SMARCD2: variants seen among roughly 807,000 people sequenced by gnomAD.
The protein encoded by SMARCD2 is SWI/SNF related BAF chromatin remodeling complex subunit D2, also known as SWI/SNF-related matrix-associated actin-dependent regulator of chromatin subfamily D member 2.
SMARCD2 carries 39 observed loss-of-function variants against 70.4 expected under a neutral mutation model. That is an observed-to-expected ratio of 0.55 (90% CI 0.43 to 0.72). The LOEUF is 0.72. Ranked by LOEUF, SMARCD2 falls within the 30% of genes least tolerant of loss-of-function variation. The pLI is 0.00. For synonymous variants in SMARCD2, 249 were observed against 279.4 expected, an observed-to-expected ratio of 0.89 and a Z score of 1.08; for missense variants, 540 against 713.4, an observed-to-expected ratio of 0.76 and a Z score of 2.77.
At chr17:63,839,616 T>A (rs1284446064) in intron 1 of SMARCD2, among the ~76,000 whole-genome samples, 1 of 148,160 alleles carries the variant, frequency 6.7e-6, no homozygotes, top group Non-Finnish European at 1.5e-5. Context: ...ACTCAGGAGT[T>A]AAAGAAAAAA....
At chr17:63,838,755 C>G in intron 1 of SMARCD2, 1 of 1,276,138 alleles carries the variant, frequency 7.8e-7, no homozygotes, top group Non-Finnish European at 9.9e-7. Flanking sequence ...CAGGGCTGGC[C>G]CCAGGGCCCA....
rs1904506161 is a variant in SMARCD2, at chr17:63,842,440, TCG to T, written c.216+17_216+18del. The T allele has an allele frequency of 3.7e-6, 5 of 1,342,694 alleles. No individual in the cohort carries two copies. The East Asian group carries it at 1.7e-4, about 45-fold the overall frequency. 83.2% of individuals were successfully genotyped at this position (1,342,694 alleles called of 1,614,324 possible). On this transcript the variant is annotated intron_variant, in intron 1 of 12. Coordinates refer to ENST00000448276, the MANE Select transcript of SMARCD2 (RefSeq NM_001098426.2). Reference sequence around the variant, plus strand: ...CGCAGCGCCTCTCGCCCCCGTCCGCTCGCGTCCTCCTTGCTCACCTGGTACTG... The same window carrying T: ...CGCAGCGCCTCTCGCCCCCGTCCGCTCGTCCTCCTTGCTCACCTGGTACTG...
In SMARCD2 at chr17:63,835,664, T is replaced by C. The variant is rs1385758300; in HGVS notation, c.568-97A>G. 2.8e-5 allele frequency: 32 copies of C among 1,126,300 alleles called. No individual in the cohort carries two copies. The South Asian group carries it at 4.7e-4, about 17-fold the overall frequency. 69.8% of individuals were successfully genotyped at this position (1,126,300 alleles called of 1,614,324 possible). ...ATATGAACCATTCAACAATCAGTAC[T>C]GAGCACCATGAGCCAGCCAGGCACC... is the stretch of plus-strand genomic sequence containing the variant. On this transcript the variant is annotated intron_variant, in intron 4 of 12. Transcript: ENST00000448276.
At position 63,832,600 on chromosome 17, in the gene SMARCD2, G is replaced by A. The variant is rs902662860; in HGVS notation, c.*338C>T. 2.6e-6 allele frequency: 1 copy of A among 380,650 alleles called. No individual in the cohort carries two copies. The highest frequency in any genetic ancestry group is 5.6e-5 in the East Asian group (1 of 17,774). The allele number at this position is 380,650 out of a possible 1,614,324, so 23.6% of individuals were successfully genotyped here. The stretch of plus-strand genomic sequence containing the variant: ...CTCCCCAGAGCCAGCTCTGACCCTC[G>A]CCCCAGGGGGAGTCTGTAAACATGC... On this transcript the variant is annotated 3_prime_UTR_variant, in exon 13 of 13. Coordinates refer to ENST00000448276, the MANE Select transcript of SMARCD2 (RefSeq NM_001098426.2).
At chr17:63,838,917 G>T (rs920077906) in intron 1 of SMARCD2, 3 of 985,290 alleles carry the variant, frequency 3.0e-6, no homozygotes, top group Admixed American at 6.1e-5. Flanking sequence ...AACACAGAGG[G>T]TCAGATTCTT....
Position 63,832,174 on chromosome 17 carries a change from G to C in SMARCD2, c.*764C>G. 1 of 605,598 alleles carries C rather than the reference G, an allele frequency of 1.7e-6. No individual in the cohort carries two copies. The allele number at this position is 605,598 out of a possible 1,614,324, so 37.5% of individuals were successfully genotyped here. ...CCACCCTCCTCACCAAGCTCCAAAG[G>C]GCAACACCAGTCCTCCCAGCCTCCC... On this transcript the variant is annotated 3_prime_UTR_variant, in exon 13 of 13. Transcript: ENST00000448276.
Position 63,834,463 on chromosome 17 carries a change from G to T in SMARCD2, c.921+11C>A, listed in dbSNP as rs2040239014. On this transcript the variant is annotated intron_variant, in intron 7 of 12. Coordinates refer to ENST00000448276, the MANE Select transcript of SMARCD2 (RefSeq NM_001098426.2). The surrounding 1 kb of genome is among the most constrained non-coding windows in gnomAD (Gnocchi z 5.6). ...CTGTGGGCCCAGAAATGACCCCAGG[G>T]TCTCTGTCACCTGATGATCCAGCAT... 1 of 1,572,910 alleles carries T rather than the reference G, an allele frequency of 6.4e-7. No individual in the cohort carries two copies. The highest frequency in any genetic ancestry group is 2.3e-5 in the East Asian group (1 of 44,324).
intron 4 of SMARCD2, 147 bp from the exon 5 acceptor site, chr17:63,835,714 T>C (rs2040256785): frequency 1.1e-5 from 7 of 664,526 alleles, no homozygotes; most frequent in Non-Finnish European, 1.7e-5. Context: ...GAATCAGAAG[T>C]AGTAAGTCCC....
In SMARCD2 at chr17:63,832,861, T is replaced by C. The variant is rs2040209491; in HGVS notation, c.*77A>G. Reference sequence around the variant, plus strand: ...CAGACACTCCTCACCCCAGCCTACGTGTCTGCGGCCCCAGCAAGGACCCAG... The same window carrying C: ...CAGACACTCCTCACCCCAGCCTACGCGTCTGCGGCCCCAGCAAGGACCCAG... On this transcript the variant is annotated 3_prime_UTR_variant, in exon 13 of 13. Coordinates refer to ENST00000448276, the MANE Select transcript of SMARCD2 (RefSeq NM_001098426.2). 2.4e-6 allele frequency: 3 copies of C among 1,269,922 alleles called. No homozygotes were observed. Among genetic ancestry groups the C allele is most frequent in the South Asian group, 2.6e-5 (2 of 78,422 alleles). 78.7% of individuals were successfully genotyped at this position (1,269,922 alleles called of 1,614,324 possible).
intron 5 of SMARCD2, 117 bp downstream of exon 5, chr17:63,835,295 A>C (rs1394297196): frequency 3.7e-5 from 41 of 1,107,970 alleles, no homozygotes; most frequent in Non-Finnish European, 5.1e-5. Flanking sequence ...GCTAATTTTT[A>C]AATTTTTTGT....
At chr17:63,839,899 C>T (rs558338459) in intron 1 of SMARCD2, among the ~76,000 whole-genome samples, 4 of 152,202 alleles carry the variant, frequency 2.6e-5, no homozygotes, top group Non-Finnish European at 4.4e-5. Flanking sequence ...GAGGCCGAGG[C>T]GGGTGGATCA....
chr17:63,835,952 C>T (rs1365186034), intron 4 of SMARCD2, among the ~76,000 whole-genome samples: 2 of 152,090 alleles, frequency 1.3e-5, no homozygotes, highest in Non-Finnish European at 2.9e-5. Context: ...TGGTCTCAAA[C>T]TCCTGACCTC....
Position 63,837,008 on chromosome 17 carries a change from C to G in SMARCD2, c.481G>C (p.Asp161His). 2 of 1,613,940 alleles carry G rather than the reference C, an allele frequency of 1.2e-6. No individual in the cohort carries two copies. The highest frequency in any genetic ancestry group is 1.7e-6 in the Non-Finnish European group (2 of 1,179,802). The part of the protein sequence containing the change: ...ELVPESQAYM[D>H]LLAFERKLDQ... ...AGCTTCCGCTCAAAAGCCAAGAGAT[C>G]CATGTACGCCTGAGACTCTGGAACA... is the stretch of plus-strand genomic sequence containing the variant. Residue 161 changes from aspartate to histidine, a missense_variant, in exon 4 of 13, where the codon GAT becomes CAT. By Grantham distance (81) the Asp-to-His change is moderately conservative. Transcript: ENST00000448276. The surrounding 1 kb of genome is among the most constrained non-coding windows in gnomAD (Gnocchi z 6.4).
chr17:63,839,405 C>G (rs538317892), intron 1 of SMARCD2, among the ~76,000 whole-genome samples: 1 of 152,178 alleles, frequency 6.6e-6, no homozygotes, highest in South Asian at 2.1e-4. Flanking sequence ...GCCTCATAGG[C>G]AGGGTCTGGA....
intron 5 of SMARCD2, 178 bp downstream of exon 5, chr17:63,835,234 T>G: frequency 6.6e-6 from 4 of 610,016 alleles, no homozygotes; most frequent in Non-Finnish European, 1.1e-5. Context: ...GCCATCCTCC[T>G]GCATCAGCCT....
intron 1 of SMARCD2, among the ~76,000 whole-genome samples, chr17:63,840,494 CTTT>C (rs1567764277): frequency 6.6e-6 from 1 of 151,802 alleles, no homozygotes; most frequent in Non-Finnish European, 1.5e-5. Context: ...TTTTTCTTTT[CTTT>C]TTCTTTTTTT....
Position 63,833,995 on chromosome 17 carries a change from A to G in SMARCD2, c.1095T>C (p.Cys365=). The stretch of plus-strand genomic sequence containing the variant: ...GAATCTCGGAGAAACGGAGTCGGCC[A>G]CAACTGAAGATCTGGAGGAAATACG... ...CNRYFRQIFS[C]GRLRFSEIPM... Residue 365 remains cysteine (C), a synonymous_variant, in exon 9 of 13, where the codon TGT becomes TGC. Transcript: ENST00000448276. This position sits in a 1 kb window ranked among gnomAD's most constrained non-coding sequence, Gnocchi z 4.3. 1 of 1,613,818 alleles carries G rather than the reference A, an allele frequency of 6.2e-7. No homozygotes were observed. The highest frequency in any genetic ancestry group is 1.6e-4 in the Middle Eastern group (1 of 6,062).
chr17:63,842,072 C>T (rs1470808357), intron 1 of SMARCD2, among the ~76,000 whole-genome samples: 2 of 152,202 alleles, frequency 1.3e-5, no homozygotes, highest in Admixed American at 6.5e-5. Context: ...GGACCAAGGC[C>T]GATGCAGGGT....
chr17:63,833,030 A>C lies in SMARCD2; in HGVS notation c.1542+39T>G. The C allele has an allele frequency of 6.3e-7, 1 of 1,585,226 alleles. No individual in the cohort carries two copies. The highest frequency in any genetic ancestry group is 1.8e-5 in the Admixed American group (1 of 55,806). On this transcript the variant is annotated intron_variant, in intron 12 of 12. Transcript: ENST00000448276. This position sits in a 1 kb window ranked among gnomAD's most constrained non-coding sequence, Gnocchi z 4.3. ...AAACCAAGTGGCTCAGGCCTTTGCT[A>C]CTCACGGCCAAAGGAGGGAAAACAG...
Sources: gnomAD v4.1 joint callset for allele counts (sites outside exome capture counted in the v4.1 genomes callset) on GRCh38, gnomAD v4.1.1 for gene constraint, Gnocchi (gnomAD v3.1) non-coding constraint, MANE v1.5 for transcripts, NCBI Gene and HGNC (gene_info 2026-07-23, HGNC 2026-07-21) for gene names.